Variants in KIRREL3 observed in about 807,000 individuals in gnomAD.
The protein encoded by KIRREL3 is kin of IRRE-like protein 3.
In KIRREL3, 36 loss-of-function variants were observed where a neutral mutation model predicts 89.7. The observed-to-expected ratio is 0.40, with a 90% CI of 0.31 to 0.53. The LOEUF (loss-of-function observed/expected upper bound fraction) is 0.53, where lower values mean the gene tolerates loss of function less well. Among genes scored for constraint, KIRREL3 ranks in the 20% least tolerant of loss-of-function variants. The pLI, the probability that KIRREL3 is intolerant of heterozygous loss-of-function variation, is 0.49. For missense variants in KIRREL3, 864 were observed against 1,056.6 expected (o/e 0.82, Z 2.53); for synonymous variants, 445 against 441.4 (o/e 1.01, Z -0.10).
At chr11:126,554,623 A>G (rs1318778067) in intron 2 of KIRREL3, among the ~76,000 whole-genome samples, 2 of 152,296 alleles carry the variant, frequency 1.3e-5, no homozygotes, top group South Asian at 2.1e-4. Flanking sequence ...GACAACATCT[A>G]TGCAAACACT....
At chr11:126,865,004 C>T (rs1369850989) in intron 1 of KIRREL3, among the ~76,000 whole-genome samples, 1 of 152,200 alleles carries the variant, frequency 6.6e-6, no homozygotes, top group Non-Finnish European at 1.5e-5. Context: ...TCCCTGCAAG[C>T]ACCTGTGCAT....
intron 1 of KIRREL3, among the ~76,000 whole-genome samples, chr11:126,882,864 G>A (rs577173026): frequency 1.3e-5 from 2 of 152,242 alleles, no homozygotes; most frequent in South Asian, 4.1e-4. Context: ...TGAAGTTTCT[G>A]GGTTCAAGAA....
intron 1 of KIRREL3, among the ~76,000 whole-genome samples, chr11:126,688,252 A>C (rs1223438649): frequency 6.6e-6 from 1 of 152,172 alleles, no homozygotes; most frequent in Non-Finnish European, 1.5e-5. Context: ...GCATTCAATC[A>C]CCTTCCTTTT....
chr11:126,491,508 T>C lies in KIRREL3; in HGVS notation c.434-18042A>G, dbSNP rs1044628106. On this transcript the variant is annotated intron_variant, in intron 4 of 16. Transcript: ENST00000525144. This position sits in a 1 kb window ranked among gnomAD's most constrained non-coding sequence, Gnocchi z 5.5. Reference sequence around the variant, plus strand: ...GCCAGACTGTTGGACTCCAGTGTTGTCTGTCCCCCGAGTCGAGGTCTGGGG... The same window carrying C: ...GCCAGACTGTTGGACTCCAGTGTTGCCTGTCCCCCGAGTCGAGGTCTGGGG... Among the ~76,000 whole-genome samples the C allele has an allele frequency of 2.6e-5, 4 of 152,220 alleles. No homozygotes were observed. Among genetic ancestry groups the C allele is most frequent in the African/African-American group, 9.6e-5 (4 of 41,542 alleles).
intron 1 of KIRREL3, among the ~76,000 whole-genome samples, chr11:126,938,143 T>C (rs995688472): frequency 2.0e-5 from 3 of 152,238 alleles, no homozygotes; most frequent in African/African-American, 7.2e-5. Flanking sequence ...TATACCTACC[T>C]GGCAAAGTAG....
chr11:126,533,144 T>C (rs1958993918), intron 2 of KIRREL3, among the ~76,000 whole-genome samples: 1 of 152,096 alleles, frequency 6.6e-6, no homozygotes, highest in Non-Finnish European at 1.5e-5. Flanking sequence ...AAGCATATAA[T>C]AAAAGCTTTA....
chr11:126,917,423 C>T lies in KIRREL3; in HGVS notation c.55+83032G>A, dbSNP rs1272898376. 3.3e-5 allele frequency among the ~76,000 whole-genome samples: 5 copies of T among 151,884 alleles called. No homozygotes were observed. The highest frequency in any genetic ancestry group is 1.9e-4 in the East Asian group (1 of 5,192). ...GTCAATATAGTTAATGCCACTAAAC[C>T]GTATACTTAAAAGTGGTTAAAATGT... On this transcript the variant is annotated intron_variant, in intron 1 of 16. Transcript: ENST00000525144. This position sits in a 1 kb window ranked among gnomAD's most constrained non-coding sequence, Gnocchi z 5.0.
chr11:126,999,577 G>A lies in KIRREL3; in HGVS notation c.55+878C>T, dbSNP rs775288295. On this transcript the variant is annotated intron_variant, in intron 1 of 16. Transcript: ENST00000525144. This position sits in a 1 kb window ranked among gnomAD's most constrained non-coding sequence, Gnocchi z 5.7. ...AGGTGCATTGGCATTCCAAAAGAGC[G>A]GGAAGGAGCCCATGTACTTGCCCCT... Among the ~76,000 whole-genome samples, 5 of 152,304 alleles carry A rather than the reference G, an allele frequency of 3.3e-5. No individual in the cohort carries two copies. The highest frequency in any genetic ancestry group is 1.9e-4 in the East Asian group (1 of 5,182).
chr11:126,602,538 T>C (rs767010512), intron 1 of KIRREL3, among the ~76,000 whole-genome samples: 2 of 152,228 alleles, frequency 1.3e-5, no homozygotes, highest in African/African-American at 2.4e-5. Flanking sequence ...GGTCAAGTGC[T>C]CTGCCTGAGG....
chr11:126,619,077 A>G (rs1287082679), intron 1 of KIRREL3, among the ~76,000 whole-genome samples: 2 of 152,242 alleles, frequency 1.3e-5, no homozygotes, highest in Admixed American at 6.5e-5. Flanking sequence ...TGATAAATGC[A>G]TTGGAGATAA....
rs1288373820 is a variant in KIRREL3 at position 126,427,811 on chromosome 11, A to C, written c.1806+1368T>G. Among the ~76,000 whole-genome samples the C allele has an allele frequency of 6.6e-6, 1 of 152,202 alleles. No homozygotes were observed. Among genetic ancestry groups the C allele is most frequent in the Admixed American group, 6.5e-5 (1 of 15,282 alleles). ...AGGGTGGATTGAGAAAAGAGACAAA[A>C]GACTACAAGGCTGAGACCAACTGGG... On this transcript the variant is annotated intron_variant, in intron 15 of 16. Coordinates refer to ENST00000525144, the MANE Select transcript of KIRREL3 (RefSeq NM_032531.4). This position sits in a 1 kb window ranked among gnomAD's most constrained non-coding sequence, Gnocchi z 5.3.
At position 126,957,267 on chromosome 11, in the gene KIRREL3, G is replaced by A. The variant is rs540063189; in HGVS notation, c.55+43188C>T. Among the ~76,000 whole-genome samples the A allele has an allele frequency of 1.1e-3, 175 of 152,254 alleles. 1 individual carries two copies. In the South Asian group the frequency reaches 0.016, roughly 14 times the overall value. On this transcript the variant is annotated intron_variant, in intron 1 of 16. Transcript: ENST00000525144. ...CTTATAATCAGCCATTGCTCAGGTC[G>A]TGAAAACTGCTCATGACTGCAGTTC...
chr11:126,828,064 A>G (rs1943477884), intron 1 of KIRREL3, among the ~76,000 whole-genome samples: 1 of 152,232 alleles, frequency 6.6e-6, no homozygotes, highest in African/African-American at 2.4e-5. Flanking sequence ...TATTATGACC[A>G]TTAAGTAAAA....
At position 126,752,135 on chromosome 11, in the gene KIRREL3, C is replaced by A. The variant is rs1221199864; in HGVS notation, c.56-189223G>T. Among the ~76,000 whole-genome samples, 1 of 152,150 alleles carries A rather than the reference C, an allele frequency of 6.6e-6. No individual in the cohort carries two copies. The highest frequency in any genetic ancestry group is 2.1e-4 in the South Asian group (1 of 4,818). Reference sequence around the variant, plus strand: ...TTGCAAAATAGGAACAATGATGATACCTGTCCCTGAGTTATGAAGACGGGG... The same window carrying A: ...TTGCAAAATAGGAACAATGATGATAACTGTCCCTGAGTTATGAAGACGGGG... On this transcript the variant is annotated intron_variant, in intron 1 of 16. Transcript: ENST00000525144. This position sits in a 1 kb window ranked among gnomAD's most constrained non-coding sequence, Gnocchi z 4.8.
chr11:126,649,669 T>C (rs1310563413), intron 1 of KIRREL3, among the ~76,000 whole-genome samples: 3 of 152,146 alleles, frequency 2.0e-5, no homozygotes, highest in African/African-American at 7.2e-5. Context: ...CTTGTGGCTT[T>C]GCAGGGTACA....
chr11:126,868,652 G>A (rs543316990), intron 1 of KIRREL3, among the ~76,000 whole-genome samples: 2 of 152,208 alleles, frequency 1.3e-5, no homozygotes, highest in East Asian at 3.9e-4. Flanking sequence ...CCACATGTAG[G>A]GGCCGATCAT....
chr11:127,001,723 C>T (rs189129320), upstream of KIRREL3, among the ~76,000 whole-genome samples: 8 of 151,954 alleles, frequency 5.3e-5, no homozygotes, highest in East Asian at 1.5e-3. Context: ...ACTTAATAGA[C>T]ATTTAGGCAT....
At position 126,429,056 on chromosome 11, in the gene KIRREL3, G is replaced by A. The variant is rs1055441776; in HGVS notation, c.1806+123C>T. ...GTGTGCCTCACCTATTGTGGGGTGG[G>A]CAGGGGGCATCTTGAACGCTGCTCT... On this transcript the variant is annotated intron_variant, in intron 15 of 16. Transcript: ENST00000525144. This position sits in a 1 kb window ranked among gnomAD's most constrained non-coding sequence, Gnocchi z 5.2. The A allele has an allele frequency of 4.0e-5, 26 of 645,592 alleles. No homozygotes were observed. Among genetic ancestry groups the A allele is most frequent in the Non-Finnish European group, 7.0e-5 (25 of 355,820 alleles). 40.0% of individuals were successfully genotyped at this position (645,592 alleles called of 1,614,324 possible).
Position 126,563,158 on chromosome 11 carries a change from A to T in KIRREL3, c.56-246T>A, listed in dbSNP as rs1452462264. Among the ~76,000 whole-genome samples, 1 of 152,236 alleles carries T rather than the reference A, an allele frequency of 6.6e-6. No individual in the cohort carries two copies. Among genetic ancestry groups the T allele is most frequent in the East Asian group, 1.9e-4 (1 of 5,206 alleles). Reference sequence around the variant, plus strand: ...TTCTATCATCCCCATTTATAGATATATGAAGTTAGTGGCACTGGATGAAAG... The same window carrying T: ...TTCTATCATCCCCATTTATAGATATTTGAAGTTAGTGGCACTGGATGAAAG... On this transcript the variant is annotated intron_variant, in intron 1 of 16. Transcript: ENST00000525144. This position sits in a 1 kb window ranked among gnomAD's most constrained non-coding sequence, Gnocchi z 6.8.
Sources: gnomAD v4.1 joint callset for allele counts (sites outside exome capture counted in the v4.1 genomes callset) on GRCh38, gnomAD v4.1.1 for gene constraint, Gnocchi (gnomAD v3.1) non-coding constraint, MANE v1.5 for transcripts, NCBI Gene and HGNC (gene_info 2026-07-23, HGNC 2026-07-21) for gene names.